The following CDH19 variants were observed in gnomAD, a reference collection of about 807,000 sequenced individuals.
CDH19 encodes cadherin-19.
Under a neutral mutation model 64.2 loss-of-function variants are expected in CDH19, and 67 were observed. The ratio of observed to expected loss-of-function variants is 1.04; its 90% CI spans 0.86 to 1.28. The LOEUF (loss-of-function observed/expected upper bound fraction) is 1.28, where lower values mean the gene tolerates loss of function less well. CDH19 is among the 50% of genes most tolerant of loss of function. The pLI is 0.00. For missense variants in CDH19, 1,030 were observed against 929.0 expected (o/e 1.11, Z -1.41); for synonymous variants, 346 against 319.3 (o/e 1.08, Z -0.89).
intron 5 of CDH19, among the ~76,000 whole-genome samples, chr18:66,549,148 T>C (rs1987249220): frequency 6.6e-6 from 1 of 152,136 alleles, no homozygotes; most frequent in African/African-American, 2.4e-5. Context: ...AATACCATCA[T>C]CTCATATTCA....
intron 1 of CDH19, among the ~76,000 whole-genome samples, chr18:66,600,740 T>C (rs1202664125): frequency 6.6e-6 from 1 of 151,886 alleles, no homozygotes; most frequent in Non-Finnish European, 1.5e-5. Flanking sequence ...CAGGTACACA[T>C]ATGTGTGTGA....
chr18:66,522,043 T>G (rs547567193), intron 9 of CDH19, among the ~76,000 whole-genome samples: 1 of 150,932 alleles, frequency 6.6e-6, no homozygotes, highest in South Asian at 2.1e-4. Flanking sequence ...GCCTCCCGGG[T>G]TCACGCCATT....
chr18:66,555,887 C>A (rs769541266), intron 3 of CDH19, among the ~76,000 whole-genome samples: 17 of 151,708 alleles, frequency 1.1e-4, no homozygotes, highest in Non-Finnish European at 1.9e-4. Flanking sequence ...TAAGGGGTTC[C>A]CATCCCTGGT....
At chr18:66,599,006 T>C (rs1988974906) in intron 1 of CDH19, among the ~76,000 whole-genome samples, 1 of 152,166 alleles carries the variant, frequency 6.6e-6, no homozygotes, top group Admixed American at 6.5e-5. Flanking sequence ...AATTGTATAA[T>C]ATAAAATTGA....
At chr18:66,585,906 G>T (rs903842800) in intron 1 of CDH19, among the ~76,000 whole-genome samples, 6 of 151,956 alleles carry the variant, frequency 3.9e-5, no homozygotes, top group African/African-American at 1.4e-4. Context: ...AGCTGAAAAT[G>T]AGCCCAGTGT....
chr18:66,570,520 C>T (rs1163738626), intron 2 of CDH19, among the ~76,000 whole-genome samples: 3 of 151,698 alleles, frequency 2.0e-5, no homozygotes, highest in Non-Finnish European at 3.0e-5. Context: ...ACTTCCCAAT[C>T]TTAATCATTT....
At chr18:66,573,893 CCA>C (rs140587493) in intron 1 of CDH19, among the ~76,000 whole-genome samples, 6,009 of 144,998 alleles carry the variant, frequency 0.041, 320 homozygotes, top group African/African-American at 0.13. Context: ...ACCACTGAAG[CCA>C]CACACACACA....
intron 3 of CDH19, among the ~76,000 whole-genome samples, chr18:66,568,147 G>A (rs1428964055): frequency 6.6e-6 from 1 of 151,598 alleles, no homozygotes; most frequent in Non-Finnish European, 1.5e-5. Context: ...AAATGAACAA[G>A]GTCTAAAAAC....
chr18:66,564,076 T>A (rs1026766872), intron 3 of CDH19, among the ~76,000 whole-genome samples: 5 of 151,880 alleles, frequency 3.3e-5, no homozygotes, highest in Non-Finnish European at 7.4e-5. Flanking sequence ...TGAAAATTCA[T>A]GATTTTTTAT....
chr18:66,542,086 C>T (rs565809540), intron 7 of CDH19, among the ~76,000 whole-genome samples: 10 of 152,200 alleles, frequency 6.6e-5, no homozygotes, highest in African/African-American at 2.4e-4. Context: ...ATATCTTAAT[C>T]ATCAAAGCAT....
chr18:66,600,787 T>C (rs1383635889), intron 1 of CDH19, among the ~76,000 whole-genome samples: 1 of 151,854 alleles, frequency 6.6e-6, no homozygotes, highest in Non-Finnish European at 1.5e-5. Flanking sequence ...AACCAATAAA[T>C]TTGGAGTCAA....
At chr18:66,537,332 T>C (rs1225347815) in intron 7 of CDH19, among the ~76,000 whole-genome samples, 2 of 151,936 alleles carry the variant, frequency 1.3e-5, no homozygotes, top group African/African-American at 4.8e-5. Context: ...CGTCTCTCAA[T>C]TTGGGTTTGT....
In CDH19 at chr18:66,568,641, T is replaced by C. The variant is rs767432807; in HGVS notation, c.265A>G (p.Thr89Ala). Reference protein sequence around the residue: ...YKLLGAGAGSTFIIDERTGDI... With the variant: ...YKLLGAGAGSAFIIDERTGDI... Reference sequence around the variant, plus strand: ...CCTGTTCTTTCATCAATGATAAAAGTACTTCCAGCTCCAGCTCCCAAAAGC... The same window carrying C: ...CCTGTTCTTTCATCAATGATAAAAGCACTTCCAGCTCCAGCTCCCAAAAGC... Residue 89 changes from threonine to alanine, a missense_variant, in exon 3 of 12, where the codon ACT becomes GCT. Thr to Ala is a moderately conservative substitution (Grantham distance 58). Transcript: ENST00000262150. The C allele has an allele frequency of 6.2e-7, 1 of 1,611,388 alleles. No individual in the cohort carries two copies. Among genetic ancestry groups the C allele is most frequent in the Non-Finnish European group, 8.5e-7 (1 of 1,178,460 alleles).
intron 2 of CDH19, among the ~76,000 whole-genome samples, chr18:66,569,376 T>G (rs1289602571): frequency 6.6e-6 from 1 of 151,676 alleles, no homozygotes; most frequent in Admixed American, 6.6e-5. Flanking sequence ...TCATATGGTC[T>G]TTGTGTAGAT....
intron 1 of CDH19, among the ~76,000 whole-genome samples, chr18:66,574,646 T>C (rs563332714): frequency 6.6e-6 from 1 of 151,856 alleles, no homozygotes; most frequent in South Asian, 2.1e-4. Flanking sequence ...CTGCAGTTTC[T>C]AGAACCAATG....
intron 1 of CDH19, among the ~76,000 whole-genome samples, chr18:66,602,773 TTGAATAA>T (rs1989069172): frequency 6.6e-6 from 1 of 151,866 alleles, no homozygotes; most frequent in Non-Finnish European, 1.5e-5. Context: ...TTTAAAAATT[TTGAATAA>T]TTGCAGACAA....
At chr18:66,559,497 A>C (rs753147136) in intron 3 of CDH19, among the ~76,000 whole-genome samples, 2 of 151,824 alleles carry the variant, frequency 1.3e-5, no homozygotes, top group Non-Finnish European at 2.9e-5. Context: ...TAACGCATTT[A>C]TAGACAGGTA....
At chr18:66,585,136 TA>T (rs1355909687) in intron 1 of CDH19, among the ~76,000 whole-genome samples, 2 of 152,052 alleles carry the variant, frequency 1.3e-5, no homozygotes. Flanking sequence ...TTTGGTGCCA[TA>T]ATTGTCAAGT....
Position 66,568,432 on chromosome 18 carries a change from T to C in CDH19, c.474A>G (p.Pro158=). ...ATGCAATACCTTCTGGAGACATCTCTGGTACAATGGCCTCATAAGGTTCAT... is the reference window on the plus strand; with the variant it reads ...ATGCAATACCTTCTGGAGACATCTCCGGTACAATGGCCTCATAAGGTTCAT... ...FLDEPYEAIV[P]EMSPEGTLVI... The change falls in exon 3 of 12, where the codon CCA becomes CCG. Residue 158 remains proline (P), a synonymous_variant. Coordinates refer to ENST00000262150, the MANE Select transcript of CDH19 (RefSeq NM_021153.4). 1 of 1,611,018 alleles carries C rather than the reference T, an allele frequency of 6.2e-7. No individual in the cohort carries two copies. The highest frequency in any genetic ancestry group is 8.5e-7 in the Non-Finnish European group (1 of 1,178,054).
Sources: gnomAD v4.1 joint callset for allele counts (sites outside exome capture counted in the v4.1 genomes callset) on GRCh38, gnomAD v4.1.1 for gene constraint, MANE v1.5 for transcripts, NCBI Gene and HGNC (gene_info 2026-07-23, HGNC 2026-07-21) for gene names.